Variants in WTIP observed in about 807,000 individuals in gnomAD.
WTIP encodes the protein WT1 interacting protein.
A neutral mutation model predicts 41.7 loss-of-function variants in WTIP; 23 were observed. The observed-to-expected ratio is 0.55, with a 90% confidence interval of 0.40 to 0.78. The LOEUF is 0.78. WTIP is among the 30% of genes least tolerant of loss of function. The pLI, the probability that WTIP is intolerant of heterozygous loss-of-function variation, is 0.00. For missense variants in WTIP, 619 were observed against 610.5 expected (o/e 1.01, Z -0.15); for synonymous variants, 314 against 269.9 (o/e 1.16, Z -1.60).
intron 7 of WTIP, among the ~76,000 whole-genome samples, chr19:34,498,301 C>A (rs1282565700): frequency 7.2e-6 from 1 of 138,386 alleles, no homozygotes; most frequent in South Asian, 2.1e-4. Flanking sequence ...CTTCAGACCA[C>A]CCGGGGGTGG....
intron 1 of WTIP, among the ~76,000 whole-genome samples, chr19:34,482,983 CTTCT>C (rs2075777099): frequency 2.4e-5 from 2 of 82,842 alleles, no homozygotes; most frequent in Non-Finnish European, 7.0e-5. Flanking sequence ...TTTCTTCTTT[CTTCT>C]TTTTTTTTTT....
At chr19:34,498,181 TAACGG>T (rs1413631935) in intron 7 of WTIP, among the ~76,000 whole-genome samples, 1 of 151,972 alleles carries the variant, frequency 6.6e-6, no homozygotes, top group African/African-American at 2.4e-5. Context: ...GGGCTCTGGG[TAACGG>T]GTCAAAGCCG....
intron 2 of WTIP, among the ~76,000 whole-genome samples, chr19:34,491,940 G>T (rs1399781306): frequency 2.0e-5 from 3 of 152,076 alleles, no homozygotes; most frequent in African/African-American, 7.2e-5. Context: ...CACCGCGCCT[G>T]GCCCTATCTT....
intron 1 of WTIP, among the ~76,000 whole-genome samples, chr19:34,489,933 C>G (rs566069057): frequency 3.5e-4 from 53 of 152,224 alleles, no homozygotes; most frequent in African/African-American, 1.1e-3. Flanking sequence ...GATCCTGTCT[C>G]TCTCCCAAAA....
rs1249002813 is a variant in WTIP, at chr19:34,501,328, C to G, written c.*1059C>G. ...CTAAAACTTCGCCACGCGTGTCCAC[C>G]TTTCAGACTTTAGGGTAGTGTGGGG... On this transcript the variant is annotated 3_prime_UTR_variant, in exon 8 of 8. Coordinates refer to ENST00000590071, the MANE Select transcript of WTIP (RefSeq NM_001080436.2). The G allele has an allele frequency of 6.6e-6, 1 of 152,314 alleles. No individual in the cohort carries two copies. Among genetic ancestry groups the G allele is most frequent in the African/African-American group, 2.4e-5 (1 of 41,420 alleles). The allele number at this position is 152,314 out of a possible 1,614,324, so 9.4% of individuals were successfully genotyped here.
At position 34,505,744 on chromosome 19, in the gene WTIP, T is replaced by A. The variant is rs1419342781; in HGVS notation, c.*5475T>A. The stretch of plus-strand genomic sequence containing the variant: ...AGGACACAGCTGGCTCACCCTCTTC[T>A]CTGACAGCACCTGGGCCATCCCTGA... On this transcript the variant is annotated 3_prime_UTR_variant, in exon 8 of 8. Coordinates refer to ENST00000590071, the MANE Select transcript of WTIP (RefSeq NM_001080436.2). 6.6e-6 allele frequency: 1 copy of A among 152,460 alleles called. No individual in the cohort carries two copies. Among genetic ancestry groups the A allele is most frequent in the Non-Finnish European group, 1.5e-5 (1 of 68,260 alleles). 9.4% of individuals were successfully genotyped at this position (152,460 alleles called of 1,614,324 possible). A position where few individuals can be genotyped will look rare whatever the true frequency, so the allele number is the denominator to read the frequency against.
At position 34,485,856 on chromosome 19, in the gene WTIP, G is replaced by C. The variant is rs979546803; in HGVS notation, c.667+3215G>C. 3.3e-5 allele frequency among the ~76,000 whole-genome samples: 5 copies of C among 152,174 alleles called. 1 individual carries two copies. Among genetic ancestry groups the C allele is most frequent in the Non-Finnish European group, 5.9e-5 (4 of 68,032 alleles). ...GCGATCCTCCCTCTTTGGCTTCCCA[G>C]TGTTGGGATTACAGGCGGGAGCCAC... On this transcript the variant is annotated intron_variant, in intron 1 of 7. Coordinates refer to ENST00000590071, the MANE Select transcript of WTIP (RefSeq NM_001080436.2).
chr19:34,511,297 G>T lies in WTIP; in HGVS notation c.*11028G>T, dbSNP rs1351731769. ...GCGGAAACCCTCGATAAAACCATGAGATCTCGTGAGACATATTCACTACCA... is the reference window on the plus strand; with the variant it reads ...GCGGAAACCCTCGATAAAACCATGATATCTCGTGAGACATATTCACTACCA... On this transcript the variant is annotated 3_prime_UTR_variant, in exon 8 of 8. Coordinates refer to ENST00000590071, the MANE Select transcript of WTIP (RefSeq NM_001080436.2). 6.6e-6 allele frequency: 1 copy of T among 152,158 alleles called. No individual in the cohort carries two copies. The highest frequency in any genetic ancestry group is 1.5e-5 in the Non-Finnish European group (1 of 68,044). 9.4% of individuals were successfully genotyped at this position (152,158 alleles called of 1,614,324 possible). A position where few individuals can be genotyped will look rare whatever the true frequency, so the allele number is the denominator to read the frequency against.
At position 34,493,579 on chromosome 19, in the gene WTIP, G is replaced by A. The variant is rs75505282; in HGVS notation, c.988G>A (p.Val330Met). ...NECLDGVPFT[V>M]DVENNIYCVR... is the part of the protein sequence containing the mutation. ...GTGCCTGGACGGGGTTCCCTTCACC[G>A]TGGACGTGGAGAACAACATCTACTG... The change falls in exon 5 of 8, where the codon GTG (valine) becomes ATG (methionine). Residue 330 changes from valine (V) to methionine (M), a missense_variant. Coordinates refer to ENST00000590071, the MANE Select transcript of WTIP (RefSeq NM_001080436.2). This position sits in a 1 kb window ranked among gnomAD's most constrained non-coding sequence, Gnocchi z 4.1. 35 of 1,613,656 alleles carry A rather than the reference G, an allele frequency of 2.2e-5. No homozygotes were observed. In the East Asian group the frequency reaches 6.9e-4, roughly 32 times the overall value.
Position 34,493,010 on chromosome 19 carries a change from G to A in WTIP, c.770-27G>A. The A allele has an allele frequency of 1.9e-6, 3 of 1,613,610 alleles. No homozygotes were observed. Among genetic ancestry groups the A allele is most frequent in the Non-Finnish European group, 2.5e-6 (3 of 1,179,650 alleles). ...CATCCCTGGTCCCCAGCGTTCCAGGGACCCCTCTCAACCCTCACCCTTGCA... is the reference window on the plus strand; with the variant it reads ...CATCCCTGGTCCCCAGCGTTCCAGGAACCCCTCTCAACCCTCACCCTTGCA... On this transcript the variant is annotated intron_variant, in intron 2 of 7. Transcript: ENST00000590071. The surrounding 1 kb of genome is among the most constrained non-coding windows in gnomAD (Gnocchi z 4.1).
chr19:34,499,337 T>G (rs757028772), intron 7 of WTIP, among the ~76,000 whole-genome samples: 6 of 149,982 alleles, frequency 4.0e-5, no homozygotes, highest in Non-Finnish European at 8.9e-5. Context: ...TGAAACCCCA[T>G]CACTACAAAA....
chr19:34,487,405 G>A (rs2075803397), intron 1 of WTIP, among the ~76,000 whole-genome samples: 2 of 152,194 alleles, frequency 1.3e-5, no homozygotes, highest in Admixed American at 6.6e-5. Context: ...CCTGGCCCCT[G>A]CCTGGTTCTG....
chr19:34,508,541 G>A lies in WTIP; in HGVS notation c.*8272G>A, dbSNP rs151122267. The A allele has an allele frequency of 6.6e-6, 1 of 152,476 alleles. No homozygotes were observed. The highest frequency in any genetic ancestry group is 1.9e-4 in the East Asian group (1 of 5,172). The allele number at this position is 152,476 out of a possible 1,614,324, so 9.4% of individuals were successfully genotyped here. ...TTGCATGGACATGTTCTTATTTGGGGTTACCTTTGTGTTGACTTTGTGTGG... is the reference window on the plus strand; with the variant it reads ...TTGCATGGACATGTTCTTATTTGGGATTACCTTTGTGTTGACTTTGTGTGG... On this transcript the variant is annotated 3_prime_UTR_variant, in exon 8 of 8. Transcript: ENST00000590071.
At chr19:34,495,128 G>T (rs556847661) in intron 6 of WTIP, among the ~76,000 whole-genome samples, 18 of 152,244 alleles carry the variant, frequency 1.2e-4, no homozygotes, top group Non-Finnish European at 2.5e-4. Context: ...GGGCACAGGG[G>T]CCCACGCCTG....
chr19:34,490,426 C>A lies in WTIP; in HGVS notation c.718C>A (p.Gln240Lys). 8 of 1,613,998 alleles carry A rather than the reference C, an allele frequency of 5.0e-6. No homozygotes were observed. The highest frequency in any genetic ancestry group is 6.8e-6 in the Non-Finnish European group (8 of 1,179,896). Residue 240 changes from glutamine (Q) to lysine (K), a missense_variant, in exon 2 of 8, where the codon CAG becomes AAG. Gln to Lys is a moderately conservative substitution (Grantham distance 53, BLOSUM62 1). This residue lies in a region of WTIP where 164 missense variants were observed against 219.1 expected (regional missense o/e 0.75). Coordinates refer to ENST00000590071, the MANE Select transcript of WTIP (RefSeq NM_001080436.2). ...CATCTACGGAGCCCAGCAGGCGTGC[C>A]AGGCAATGGGGAGTCTTTATCACAC... ...LGIYGAQQAC[Q>K]AMGSLYHTDC...
intron 7 of WTIP, among the ~76,000 whole-genome samples, chr19:34,498,306 G>C (rs1379923615): frequency 6.6e-6 from 1 of 152,142 alleles, no homozygotes; most frequent in Admixed American, 6.5e-5. Context: ...GACCACCCGG[G>C]GGTGGCATTC....
rs1395160740 is a variant in WTIP, at chr19:34,494,567, G to T, written c.1032-19G>T. The T allele has an allele frequency of 6.2e-7, 1 of 1,613,004 alleles. No homozygotes were observed. Among genetic ancestry groups the T allele is most frequent in the African/African-American group, 1.3e-5 (1 of 74,998 alleles). On this transcript the variant is annotated intron_variant, in intron 5 of 7. Transcript: ENST00000590071. ...CTGGTCACTCAGCTGATCACTTCTG[G>T]TTTCCTTTATTTCTCTAGGGTTTTT...
Position 34,502,365 on chromosome 19 carries a change from C to T in WTIP, c.*2096C>T, listed in dbSNP as rs2145614257. ...CTGCCTCCAGGGTTCAAGTAATTCTCATGCCTCAGCCTCCCCAGTAGCTGA... is the reference window on the plus strand; with the variant it reads ...CTGCCTCCAGGGTTCAAGTAATTCTTATGCCTCAGCCTCCCCAGTAGCTGA... On this transcript the variant is annotated 3_prime_UTR_variant, in exon 8 of 8. Transcript: ENST00000590071. 1 of 150,918 alleles carries T rather than the reference C, an allele frequency of 6.6e-6. No individual in the cohort carries two copies. Among genetic ancestry groups the T allele is most frequent in the East Asian group, 2.0e-4 (1 of 5,112 alleles). The allele number at this position is 150,918 out of a possible 1,614,324, so 9.3% of individuals were successfully genotyped here. A position where few individuals can be genotyped will look rare whatever the true frequency, so the allele number is the denominator to read the frequency against.
Position 34,500,296 on chromosome 19 carries a change from G to T in WTIP, c.*27G>T. On this transcript the variant is annotated 3_prime_UTR_variant, in exon 8 of 8. Coordinates refer to ENST00000590071, the MANE Select transcript of WTIP (RefSeq NM_001080436.2). ...CAGGGGAAAACCCGTCCCTGGGCCG[G>T]GGTGGGTGTGGGTGTGGAGGGAGGG... is the stretch of plus-strand genomic sequence containing the variant. 1 of 1,572,716 alleles carries T rather than the reference G, an allele frequency of 6.4e-7. No individual in the cohort carries two copies. Among genetic ancestry groups the T allele is most frequent in the Non-Finnish European group, 8.6e-7 (1 of 1,161,988 alleles).
Sources: gnomAD v4.1 joint callset for allele counts (sites outside exome capture counted in the v4.1 genomes callset) on GRCh38, gnomAD v4.1.1 for gene constraint, gnomAD v4.1.1 regional missense constraint, Gnocchi (gnomAD v3.1) non-coding constraint, MANE v1.5 for transcripts, NCBI Gene and HGNC (gene_info 2026-07-23, HGNC 2026-07-21) for gene names.